Variants in GLI2 observed in about 807,000 individuals in gnomAD.
GLI2 encodes transcription activator GLI2.
GLI2 carries 22 observed loss-of-function variants against 78.9 expected under a neutral mutation model. The ratio of observed to expected loss-of-function variants is 0.28; its 90% confidence interval spans 0.20 to 0.40. The LOEUF is 0.40. Among genes scored for constraint, GLI2 ranks in the 10% least tolerant of loss-of-function variants. The pLI, the probability that GLI2 is intolerant of heterozygous loss-of-function variation, is 1.00. For synonymous variants in GLI2, 974 were observed against 963.7 expected, an observed-to-expected ratio of 1.01 and a Z score of -0.20; for missense variants, 2,097 against 2,213.2, an observed-to-expected ratio of 0.95 and a Z score of 1.05.
In GLI2 at chr2:120,748,881, AT is replaced by A. The variant is rs1456706953; in HGVS notation, c.-31+12597del. Among the ~76,000 whole-genome samples, 5 of 151,704 alleles carry A rather than the reference AT, an allele frequency of 3.3e-5. No individual in the cohort carries two copies. In the East Asian group the frequency reaches 9.7e-4, roughly 29 times the overall value. ...CATCCATCCATCCATCCATCCATCC[AT>A]CCATCCATCCTCAATCCATCATCAT... On this transcript the variant is annotated intron_variant, in intron 1 of 13. Coordinates refer to ENST00000361492, the MANE Select transcript of GLI2 (RefSeq NM_001374353.1).
In GLI2 at chr2:120,822,380, C is replaced by T. The variant is rs547868955; in HGVS notation, c.148+24912C>T. On this transcript the variant is annotated intron_variant, in intron 2 of 13. Transcript: ENST00000361492. ...ACCTTTTCAGAAGCGTGTTAGGAAACAGCCCGATGGGCCCTAAGGCTCCAG... is the reference window on the plus strand; with the variant it reads ...ACCTTTTCAGAAGCGTGTTAGGAAATAGCCCGATGGGCCCTAAGGCTCCAG... Among the ~76,000 whole-genome samples, 10 of 152,292 alleles carry T rather than the reference C, an allele frequency of 6.6e-5. No homozygotes were observed. The South Asian group carries it at 1.9e-3, about 28-fold the overall frequency.
chr2:120,794,376 T>G (rs559278979), intron 1 of GLI2, among the ~76,000 whole-genome samples: 9 of 152,110 alleles, frequency 5.9e-5, no homozygotes, highest in African/African-American at 2.2e-4. Context: ...AGAGGAGGCT[T>G]TAGGTAGACA....
chr2:120,881,560 G>A lies in GLI2; in HGVS notation c.149-45801G>A, dbSNP rs372932345. Among the ~76,000 whole-genome samples, 30 of 128,520 alleles carry A rather than the reference G, an allele frequency of 2.3e-4. 1 individual carries two copies. The East Asian group carries it at 5.4e-3, about 23-fold the overall frequency. 84.3% of individuals were successfully genotyped at this position (128,520 alleles called of 152,430 possible). A position where few individuals can be genotyped will look rare whatever the true frequency, so the allele number is the denominator to read the frequency against. ...GACAGTGGGGGAAAGACAGTGGTGG[G>A]GAGGACAGGTAGGGGAGGGCAGGTA... On this transcript the variant is annotated intron_variant, in intron 2 of 13. Coordinates refer to ENST00000361492, the MANE Select transcript of GLI2 (RefSeq NM_001374353.1).
intron 13 of GLI2, among the ~76,000 whole-genome samples, chr2:120,986,964 C>T (rs758795045): frequency 9.2e-5 from 14 of 152,224 alleles, no homozygotes; most frequent in Admixed American, 1.3e-4. Context: ...GGCAGGAGAG[C>T]CATTTAATTC....
At chr2:120,875,290 G>A (rs55751863) in intron 2 of GLI2, among the ~76,000 whole-genome samples, 19,586 of 152,250 alleles carry the variant, frequency 0.13, 1,442 homozygotes, top group Middle Eastern at 0.28. Context: ...TGTGGACAAA[G>A]GAGCCTGGAA....
chr2:120,912,227 G>A (rs1678857973), intron 2 of GLI2, among the ~76,000 whole-genome samples: 1 of 150,392 alleles, frequency 6.6e-6, no homozygotes, highest in South Asian at 2.1e-4. Flanking sequence ...GACTCTGTCT[G>A]CTTTTAATTC....
chr2:120,934,631 T>G (rs1464705506), intron 3 of GLI2, among the ~76,000 whole-genome samples: 1 of 152,176 alleles, frequency 6.6e-6, no homozygotes, highest in East Asian at 1.9e-4. Flanking sequence ...CTGGTGGGCA[T>G]GGGGGCCTCA....
In GLI2 at chr2:120,988,837, C is replaced by A; in HGVS notation, c.2872C>A (p.Arg958=). The change falls in exon 14 of 14, where the codon CGG becomes AGG. Residue 958 remains arginine (R), a synonymous_variant. Coordinates refer to ENST00000361492, the MANE Select transcript of GLI2 (RefSeq NM_001374353.1). ...GARRASDPVR[R]PDALSLPRVQ... Reference sequence around the variant, plus strand: ...CAGGCGGGCCAGCGACCCTGTGCGGCGGCCCGATGCCCTGTCCCTGCCGCG... The same window carrying A: ...CAGGCGGGCCAGCGACCCTGTGCGGAGGCCCGATGCCCTGTCCCTGCCGCG... 1 of 1,471,046 alleles carries A rather than the reference C, an allele frequency of 6.8e-7. No homozygotes were observed. The highest frequency in any genetic ancestry group is 1.2e-5 in the South Asian group (1 of 80,374). The allele number at this position is 1,471,046 out of a possible 1,614,324, so 91.1% of individuals were successfully genotyped here.
At position 120,918,123 on chromosome 2, in the gene GLI2, C is replaced by T. The variant is rs1180993922; in HGVS notation, c.149-9238C>T. On this transcript the variant is annotated intron_variant, in intron 2 of 13. Transcript: ENST00000361492. Reference sequence around the variant, plus strand: ...TGCCCTGGGTGGTGAGCAGCTCCGCCGTGGATTCCAGAGACAGCTGCAGAG... The same window carrying T: ...TGCCCTGGGTGGTGAGCAGCTCCGCTGTGGATTCCAGAGACAGCTGCAGAG... Among the ~76,000 whole-genome samples the T allele has an allele frequency of 2.0e-5, 3 of 152,214 alleles. 1 individual carries two copies. Among genetic ancestry groups the T allele is most frequent in the South Asian group, 4.1e-4 (2 of 4,834 alleles).
intron 1 of GLI2, among the ~76,000 whole-genome samples, chr2:120,738,199 G>A (rs1682427953): frequency 6.6e-6 from 1 of 152,216 alleles, no homozygotes. Flanking sequence ...GGTCTGTCCT[G>A]GGGCAGTCAT....
At position 120,797,213 on chromosome 2, in the gene GLI2, G is replaced by A. The variant is rs1026983823; in HGVS notation, c.-30-78G>A. 3.0e-5 allele frequency: 31 copies of A among 1,039,784 alleles called. 1 individual carries two copies. The highest frequency in any genetic ancestry group is 2.0e-4 in the Middle Eastern group (1 of 4,938). The allele number at this position is 1,039,784 out of a possible 1,614,324, so 64.4% of individuals were successfully genotyped here. On this transcript the variant is annotated intron_variant, in intron 1 of 13. Transcript: ENST00000361492. ...GAAGTTGGTTGCTTTAGGAGCGAGCGGCGGTGTGAATCTGGGTCGGCGTTT... is the reference window on the plus strand; with the variant it reads ...GAAGTTGGTTGCTTTAGGAGCGAGCAGCGGTGTGAATCTGGGTCGGCGTTT...
At chr2:120,927,165 A>G (rs1679720736) in intron 2 of GLI2, among the ~76,000 whole-genome samples, 196 bp from the exon 3 acceptor site, 1 of 152,206 alleles carries the variant, frequency 6.6e-6, no homozygotes, top group Non-Finnish European at 1.5e-5. Flanking sequence ...TTTATGTGAA[A>G]GATGTAGAAT....
intron 1 of GLI2, among the ~76,000 whole-genome samples, chr2:120,764,822 C>G (rs891975672): frequency 1.3e-5 from 2 of 152,244 alleles, no homozygotes; most frequent in Non-Finnish European, 2.9e-5. Flanking sequence ...CGTGGAACAT[C>G]TGACTGGGAA....
At chr2:120,936,825 A>G (rs1445523915) in intron 3 of GLI2, among the ~76,000 whole-genome samples, 1 of 152,138 alleles carries the variant, frequency 6.6e-6, no homozygotes, top group African/African-American at 2.4e-5. Context: ...TGCTGGATTT[A>G]TTGTATCCCA....
At chr2:120,786,980 G>C (rs1684014838) in intron 1 of GLI2, among the ~76,000 whole-genome samples, 1 of 152,214 alleles carries the variant, frequency 6.6e-6, no homozygotes, top group Non-Finnish European at 1.5e-5. Context: ...GTTCGTCTCT[G>C]AGTCAGTCAA....
intron 5 of GLI2, among the ~76,000 whole-genome samples, chr2:120,956,562 C>A (rs1377011115): frequency 6.6e-6 from 1 of 152,142 alleles, no homozygotes; most frequent in East Asian, 1.9e-4. Flanking sequence ...CCTGCAGGTC[C>A]TGGAGCCCTG....
chr2:120,831,815 G>T (rs943909871), intron 2 of GLI2, among the ~76,000 whole-genome samples: 3 of 152,202 alleles, frequency 2.0e-5, no homozygotes, highest in South Asian at 2.1e-4. Context: ...GTGGGTTGTT[G>T]TGAGGATTCA....
chr2:120,789,033 CT>C (rs35017068), intron 1 of GLI2, among the ~76,000 whole-genome samples: 161 of 126,600 alleles, frequency 1.3e-3, no homozygotes, highest in East Asian at 5.8e-3. Flanking sequence ...TTCTTTCTTT[CT>C]TTTTTTTTTT....
At chr2:120,785,829 A>C (rs6752516) in intron 1 of GLI2, among the ~76,000 whole-genome samples, 5,602 of 152,278 alleles carry the variant, frequency 0.037, 317 homozygotes, top group African/African-American at 0.12. Context: ...CCAGAGTTGC[A>C]CTGCCAGTCT....
Sources: allele counts gnomAD v4.1 joint callset (sites outside exome capture counted in the v4.1 genomes callset), GRCh38; gene constraint gnomAD v4.1.1; transcripts MANE v1.5; gene names NCBI Gene and HGNC (gene_info 2026-07-23, HGNC 2026-07-21).